Variants in TNKS1BP1 observed in about 807,000 individuals in gnomAD.
TNKS1BP1 encodes the protein 182 kDa tankyrase-1-binding protein.
Under a neutral mutation model 141.1 loss-of-function variants are expected in TNKS1BP1, and 48 were observed. The ratio of observed to expected loss-of-function variants is 0.34; its 90% CI spans 0.27 to 0.43. The LOEUF is 0.43. Ranked by LOEUF, TNKS1BP1 falls within the 20% of genes least tolerant of loss-of-function variation. The probability of loss-of-function intolerance (pLI) is 1.00; values close to 1 mark genes in which losing one functional copy is unlikely to be tolerated. For missense variants in TNKS1BP1, 2,149 were observed against 2,226.0 expected, an observed-to-expected ratio of 0.97 and a Z score of 0.70; for synonymous variants, 875 against 898.2, an observed-to-expected ratio of 0.97 and a Z score of 0.46.
rs748468400 is a variant in TNKS1BP1, at chr11:57,301,862, C to G, written c.4916G>C (p.Gly1639Ala). ...PQSRRTRMSLGTKGLKVNLFP... is the reference protein window; with the variant it reads ...PQSRRTRMSLATKGLKVNLFP... The stretch of plus-strand genomic sequence containing the variant: ...GAGGTTGACTTTCAGCCCCTTGGTG[C>G]CCAACGACATCCGTGTCCGGCGGCT... Residue 1639 changes from glycine (G) to alanine (A), a missense_variant, in exon 9 of 12, where the codon GGC becomes GCC. Physicochemically the swap from Gly to Ala is moderately conservative, Grantham distance 60. Transcript: ENST00000358252. The G allele has an allele frequency of 1.2e-6, 2 of 1,614,168 alleles. No homozygotes were observed. The highest frequency in any genetic ancestry group is 2.2e-5 in the South Asian group (2 of 91,074).
At chr11:57,310,580 A>G (rs1262645783) in intron 5 of TNKS1BP1, 24 bp from the exon 6 acceptor site, 2 of 1,582,596 alleles carry the variant, frequency 1.3e-6, no homozygotes, top group Non-Finnish European at 1.7e-6. Flanking sequence ...AAAAAAACAG[A>G]CAAAGAAACA....
chr11:57,321,753 C>G (rs199523346), intron 2 of TNKS1BP1, 39 bp downstream of exon 2: 12 of 1,512,214 alleles, frequency 7.9e-6, no homozygotes, highest in East Asian at 2.3e-5. Flanking sequence ...TTCCCACCCC[C>G]CTCCCAGCCA....
rs1187790358 is a variant in TNKS1BP1 at position 57,308,525 on chromosome 11, C to T, written c.4186G>A (p.Ala1396Thr). The change falls in exon 6 of 12, where the codon GCC (alanine) becomes ACC (threonine). Residue 1396 changes from alanine to threonine, a missense_variant. By Grantham distance (58) the Ala-to-Thr change is moderately conservative. Transcript: ENST00000358252. ...GTCTCACCAACCCCCAGCTCCCTGG[C>T]CTCCAAGGGGTCTCTGGCCTCCAGG... ...PGLEARDPLE[A>T]RELGVGETSG... 6.2e-7 allele frequency: 1 copy of T among 1,614,216 alleles called. No individual in the cohort carries two copies.
intron 5 of TNKS1BP1, among the ~76,000 whole-genome samples, chr11:57,311,054 T>A (rs919793727): frequency 6.6e-6 from 1 of 151,536 alleles, no homozygotes; most frequent in African/African-American, 2.4e-5. Flanking sequence ...CTGACCCCCA[T>A]CCTCCTATAA....
chr11:57,321,744 T>TGGGGGCC, intron 2 of TNKS1BP1, 48 bp downstream of exon 2: 9 of 1,039,812 alleles, frequency 8.7e-6, no homozygotes, highest in Non-Finnish European at 1.2e-5. Context: ...CCTCTGTCCT[T>TGGGGGCC]CCCACCCCCC....
chr11:57,303,550 T>G (rs1855562429), intron 6 of TNKS1BP1: 1 of 152,718 alleles, frequency 6.5e-6, no homozygotes, highest in Non-Finnish European at 1.5e-5. Context: ...TCCTGCTTCT[T>G]TCCTGTGGTT....
chr11:57,311,161 G>T, intron 5 of TNKS1BP1: 2 of 888,438 alleles, frequency 2.3e-6, no homozygotes, highest in Non-Finnish European at 1.3e-6. Context: ...AGACAAGAGG[G>T]GCAGCCTCTG....
chr11:57,324,680 C>T (rs991411068), intron 1 of TNKS1BP1, among the ~76,000 whole-genome samples, 160 bp downstream of exon 1: 14 of 152,126 alleles, frequency 9.2e-5, no homozygotes, highest in African/African-American at 2.9e-4. Flanking sequence ...CTCCAGCGTC[C>T]CCAGCGCCCT....
At position 57,300,643 on chromosome 11, in the gene TNKS1BP1, A is replaced by G. The variant is rs770430577; in HGVS notation, c.5130-43T>C. On this transcript the variant is annotated intron_variant, in intron 10 of 11. Coordinates refer to ENST00000358252, the MANE Select transcript of TNKS1BP1 (RefSeq NM_033396.3). Reference sequence around the variant, plus strand: ...AAGGTCCAGAATGCAAACTTTGAGGAAACTGAACACAACAAGGAGACGTGA... The same window carrying G: ...AAGGTCCAGAATGCAAACTTTGAGGGAACTGAACACAACAAGGAGACGTGA... The G allele has an allele frequency of 1.9e-5, 30 of 1,612,302 alleles. 1 individual carries two copies. The South Asian group carries it at 3.3e-4, about 18-fold the overall frequency.
intron 6 of TNKS1BP1, among the ~76,000 whole-genome samples, chr11:57,305,960 A>G (rs1454572022): frequency 6.6e-6 from 1 of 152,180 alleles, no homozygotes; most frequent in Non-Finnish European, 1.5e-5. Context: ...GGAACCTCCA[A>G]AATTTTCTTT....
Position 57,313,322 on chromosome 11 carries a change from T to A in TNKS1BP1, c.1366A>T (p.Ser456Cys), listed in dbSNP as rs1565043635. The change falls in exon 5 of 12, where the codon AGC becomes TGC. Residue 456 changes from serine to cysteine, a missense_variant. Physicochemically the swap from Ser to Cys is moderately radical, Grantham distance 112. Coordinates refer to ENST00000358252, the MANE Select transcript of TNKS1BP1 (RefSeq NM_033396.3). The part of the protein sequence containing the change: ...SLAALPQGQG[S>C]QLALDRPFGA... ...AAGGGACGATCCAGGGCCAACTGGC[T>A]CCCCTGGCCTTGGGGCAGGGCAGCC... 2 of 1,612,902 alleles carry A rather than the reference T, an allele frequency of 1.2e-6. No homozygotes were observed. Among genetic ancestry groups the A allele is most frequent in the South Asian group, 2.2e-5 (2 of 91,086 alleles).
Position 57,310,119 on chromosome 11 carries a change from G to C in TNKS1BP1, c.2592C>G (p.Asp864Glu). Residue 864 changes from aspartate to glutamate, a missense_variant, in exon 6 of 12, where the codon GAC (aspartate) becomes GAG (glutamate). By Grantham distance (45) the Asp-to-Glu change is conservative (BLOSUM62 2). Coordinates refer to ENST00000358252, the MANE Select transcript of TNKS1BP1 (RefSeq NM_033396.3). ...TYSSRDAELQ[D>E]QEFGKRDSLG... is the part of the protein sequence containing the mutation. ...GTGAATCTCTCTTTCCGAATTCCTG[G>C]TCCTGGAGTTCTGCATCCCGGCTGG... The C allele has an allele frequency of 6.2e-7, 1 of 1,614,028 alleles. No individual in the cohort carries two copies. Among genetic ancestry groups the C allele is most frequent in the Non-Finnish European group, 8.5e-7 (1 of 1,180,010 alleles).
chr11:57,313,426 G>T lies in TNKS1BP1; in HGVS notation c.1262C>A (p.Thr421Asn). 6 of 1,610,584 alleles carry T rather than the reference G, an allele frequency of 3.7e-6. No homozygotes were observed. Among genetic ancestry groups the T allele is most frequent in the Non-Finnish European group, 3.4e-6 (4 of 1,178,256 alleles). The change falls in exon 5 of 12, where the codon ACC becomes AAC. Residue 421 changes from threonine to asparagine, a missense_variant. Coordinates refer to ENST00000358252, the MANE Select transcript of TNKS1BP1 (RefSeq NM_033396.3). Reference protein sequence around the residue: ...EAKGDAHLRPTSLVQRRFSEG... With the variant: ...EAKGDAHLRPNSLVQRRFSEG... Reference sequence around the variant, plus strand: ...AGAGAATCGGCGCTGAACCAGGCTGGTGGGGCGGAGGTGTGCGTCACCCTT... The same window carrying T: ...AGAGAATCGGCGCTGAACCAGGCTGTTGGGGCGGAGGTGTGCGTCACCCTT...
chr11:57,322,033 C>G (rs1565047748), intron 1 of TNKS1BP1, 83 bp from the exon 2 acceptor site: 1 of 1,139,484 alleles, frequency 8.8e-7, no homozygotes. Flanking sequence ...CTATTTCTAA[C>G]AGAGGCAGAG....
chr11:57,315,261 C>CT (rs1193116069), intron 4 of TNKS1BP1, among the ~76,000 whole-genome samples: 1 of 152,006 alleles, frequency 6.6e-6, no homozygotes, highest in East Asian at 1.9e-4. Flanking sequence ...CCGGCTCACT[C>CT]TATTTCCCCA....
chr11:57,306,605 G>A (rs1258166886), intron 6 of TNKS1BP1, among the ~76,000 whole-genome samples: 2 of 152,064 alleles, frequency 1.3e-5, no homozygotes, highest in Non-Finnish European at 2.9e-5. Context: ...TTGAGGAGCC[G>A]TGCTTTCTGT....
intron 3 of TNKS1BP1, among the ~76,000 whole-genome samples, chr11:57,319,251 C>T (rs1366555585): frequency 1.2e-4 from 19 of 152,114 alleles, no homozygotes; most frequent in Admixed American, 1.2e-3. Context: ...CGCAGCCCCA[C>T]CCCAGGACTG....
At chr11:57,306,591 C>G (rs1855614461) in intron 6 of TNKS1BP1, among the ~76,000 whole-genome samples, 1 of 152,110 alleles carries the variant, frequency 6.6e-6, no homozygotes, top group Admixed American at 6.5e-5. Flanking sequence ...TTTCGTTCGG[C>G]TTTTTGAGGA....
chr11:57,301,610 A>G (rs1211994255), intron 9 of TNKS1BP1, among the ~76,000 whole-genome samples, 197 bp downstream of exon 9: 2 of 152,108 alleles, frequency 1.3e-5, no homozygotes, highest in African/African-American at 4.8e-5. Flanking sequence ...TCTTCTTTCC[A>G]TCCCATTTGG....
Sources: gnomAD v4.1 joint callset for allele counts (sites outside exome capture counted in the v4.1 genomes callset) on GRCh38, gnomAD v4.1.1 for gene constraint, MANE v1.5 for transcripts, NCBI Gene and HGNC (gene_info 2026-07-23, HGNC 2026-07-21) for gene names.